The following ELMO2 variants were observed in gnomAD, a reference collection of about 807,000 sequenced individuals.
The protein encoded by ELMO2 is engulfment and cell motility protein 2.
Under a neutral mutation model 96.2 loss-of-function variants are expected in ELMO2, and 37 were observed. The observed-to-expected ratio is 0.38, with a 90% CI of 0.30 to 0.51. The LOEUF is 0.51. Ranked by LOEUF, ELMO2 falls within the 20% of genes least tolerant of loss-of-function variation. The pLI is 0.88. For missense variants in ELMO2, 561 were observed against 912.6 expected (o/e 0.61, Z 4.96); for synonymous variants, 315 against 329.4 (o/e 0.96, Z 0.47).
At chr20:46,404,912 C>T (rs886678199) in intron 1 of ELMO2, among the ~76,000 whole-genome samples, 5 of 152,112 alleles carry the variant, frequency 3.3e-5, no homozygotes, top group Admixed American at 1.3e-4. Flanking sequence ...TTCTATTAGA[C>T]AGCAGCATCA....
At chr20:46,382,598 A>C (rs2059975866) in intron 10 of ELMO2, among the ~76,000 whole-genome samples, 1 of 152,238 alleles carries the variant, frequency 6.6e-6, no homozygotes, top group African/African-American at 2.4e-5. Flanking sequence ...ACTGAGACCC[A>C]AAAAGAGGTT....
intron 6 of ELMO2, among the ~76,000 whole-genome samples, chr20:46,390,084 T>C (rs960146046): frequency 1.3e-5 from 2 of 151,746 alleles, no homozygotes; most frequent in African/African-American, 4.8e-5. Flanking sequence ...ACCCAGGAGG[T>C]GGAGGCTGCA....
At position 46,386,138 on chromosome 20, in the gene ELMO2, G is replaced by C. The variant is rs746249646; in HGVS notation, c.663C>G (p.Ile221Met). 1.2e-6 allele frequency: 2 copies of C among 1,614,112 alleles called. No individual in the cohort carries two copies. Among genetic ancestry groups the C allele is most frequent in the Non-Finnish European group, 1.7e-6 (2 of 1,179,960 alleles). Reference protein sequence around the residue: ...IAEEITVGQLISHLQVSNQEI... With the variant: ...IAEEITVGQLMSHLQVSNQEI... ...TTTTTACTCACACCTGGAGGTGTGAGATGAGCTGTCCCACGGTGATTTCCT... is the reference window on the plus strand; with the variant it reads ...TTTTTACTCACACCTGGAGGTGTGACATGAGCTGTCCCACGGTGATTTCCT... Residue 221 changes from isoleucine (I) to methionine (M), a missense_variant, in exon 9 of 22, where the codon ATC becomes ATG. Ile to Met is a conservative substitution (Grantham distance 10). Transcript: ENST00000290246.
At chr20:46,376,817 AGG>A in intron 11 of ELMO2, 2 of 1,287,984 alleles carry the variant, frequency 1.6e-6, no homozygotes, top group Non-Finnish European at 2.0e-6. Flanking sequence ...CTCTGTCTCT[AGG>A]GCTGTGCTGT....
At chr20:46,392,774 C>G (rs963886919) in intron 6 of ELMO2, among the ~76,000 whole-genome samples, 3 of 152,210 alleles carry the variant, frequency 2.0e-5, no homozygotes, top group African/African-American at 7.2e-5. Context: ...CCTTTAACAT[C>G]TGAGCTAAGT....
At chr20:46,379,954 C>G (rs2059926585) in intron 11 of ELMO2, 1 of 254,582 alleles carries the variant, frequency 3.9e-6, no homozygotes, top group African/African-American at 2.2e-5. Flanking sequence ...CCCCTTTGTG[C>G]CTATTTTAAC....
chr20:46,387,828 G>A (rs139683350), intron 7 of ELMO2: 5 of 162,728 alleles, frequency 3.1e-5, no homozygotes, highest in African/African-American at 1.2e-4. Flanking sequence ...AGAGGCAGTA[G>A]AGTGCAAGAG....
At chr20:46,370,263 C>T (rs1414070546) in intron 20 of ELMO2, 180 bp downstream of exon 20, 10 of 699,710 alleles carry the variant, frequency 1.4e-5, no homozygotes, top group South Asian at 9.0e-5. Flanking sequence ...GCCATGGTTG[C>T]TGAGTCTGGG....
At chr20:46,372,677 G>A (rs2059749237) in intron 16 of ELMO2, among the ~76,000 whole-genome samples, 2 of 152,160 alleles carry the variant, frequency 1.3e-5, no homozygotes, top group African/African-American at 2.4e-5. Flanking sequence ...GTTCTGGCAC[G>A]CTGTGGTGTT....
At chr20:46,396,462 A>G (rs1207426812) in intron 2 of ELMO2, among the ~76,000 whole-genome samples, 1 of 152,190 alleles carries the variant, frequency 6.6e-6, no homozygotes, top group African/African-American at 2.4e-5. Flanking sequence ...TCTCCCTGTA[A>G]CCAGCACTCA....
At chr20:46,398,214 A>G (rs2060278895) in intron 2 of ELMO2, among the ~76,000 whole-genome samples, 1 of 152,198 alleles carries the variant, frequency 6.6e-6, no homozygotes, top group Non-Finnish European at 1.5e-5. Flanking sequence ...CTTACCCACT[A>G]GATAAGTCTG....
chr20:46,377,865 C>G (rs1425467380), intron 11 of ELMO2, among the ~76,000 whole-genome samples: 1 of 152,172 alleles, frequency 6.6e-6, no homozygotes, highest in African/African-American at 2.4e-5. Flanking sequence ...ACTTCCCTTC[C>G]TTCCCACTCC....
At position 46,375,390 on chromosome 20, in the gene ELMO2, G is replaced by A. The variant is rs1341806018; in HGVS notation, c.931-20C>T. ...TTGAGCCTGCGAGGTGAAACAGACA[G>A]TCAGCAGGTGAATCGGCTAACCAAG... On this transcript the variant is annotated intron_variant, in intron 12 of 21. Transcript: ENST00000290246. This position sits in a 1 kb window ranked among gnomAD's most constrained non-coding sequence, Gnocchi z 4.6. 6.2e-7 allele frequency: 1 copy of A among 1,612,316 alleles called. No homozygotes were observed. Among genetic ancestry groups the A allele is most frequent in the Non-Finnish European group, 8.5e-7 (1 of 1,178,564 alleles).
intron 7 of ELMO2, among the ~76,000 whole-genome samples, chr20:46,388,412 C>A (rs572693180): frequency 2.6e-5 from 4 of 152,346 alleles, no homozygotes; most frequent in African/African-American, 9.6e-5. Context: ...AGGCTCCAAG[C>A]ACCTGTTTAC....
chr20:46,406,436 G>C (rs926743649), intron 1 of ELMO2, 112 bp downstream of exon 1: 1 of 152,494 alleles, frequency 6.6e-6, no homozygotes, highest in Non-Finnish European at 1.5e-5. Flanking sequence ...CTCAGCCTCC[G>C]GAGCAGACGC....
chr20:46,378,212 A>C (rs2059898529), intron 11 of ELMO2, among the ~76,000 whole-genome samples: 1 of 152,214 alleles, frequency 6.6e-6, no homozygotes, highest in Non-Finnish European at 1.5e-5. Context: ...TTTTACCTGA[A>C]GTCTCACTTG....
At chr20:46,394,168 C>G (rs559559053) in intron 3 of ELMO2, 79 bp from the exon 4 acceptor site, 2 of 1,347,968 alleles carry the variant, frequency 1.5e-6, no homozygotes, top group South Asian at 1.2e-5. Flanking sequence ...GCCTGCCAAG[C>G]AGGGTCAAGC....
chr20:46,389,832 G>A (rs145990894), intron 6 of ELMO2, among the ~76,000 whole-genome samples: 26 of 152,206 alleles, frequency 1.7e-4, no homozygotes, highest in African/African-American at 5.5e-4. Flanking sequence ...CCGGGTAACA[G>A]AGCAAGACTC....
chr20:46,391,380 G>A (rs2060147386), intron 6 of ELMO2, among the ~76,000 whole-genome samples: 2 of 152,138 alleles, frequency 1.3e-5, no homozygotes, highest in African/African-American at 4.8e-5. Flanking sequence ...CCTATCTCAT[G>A]GGATGTCTGT....
Sources: allele counts gnomAD v4.1 joint callset (sites outside exome capture counted in the v4.1 genomes callset), GRCh38; gene constraint gnomAD v4.1.1; non-coding constraint Gnocchi (gnomAD v3.1); transcripts MANE v1.5; gene names NCBI Gene and HGNC (gene_info 2026-07-23, HGNC 2026-07-21).